Variants in CFAP100 observed in about 807,000 individuals in gnomAD.
CFAP100 encodes the protein cilia and flagella associated protein 100, also known as cilia- and flagella-associated protein 100.
Under a neutral mutation model 81.5 loss-of-function variants are expected in CFAP100, and 70 were observed. The observed-to-expected ratio is 0.86, with a 90% CI of 0.71 to 1.05. The LOEUF (loss-of-function observed/expected upper bound fraction) is 1.05. Among genes scored for constraint, CFAP100 ranks in the 50% least tolerant of loss-of-function variants. The probability of loss-of-function intolerance (pLI) is 0.00; values close to 1 mark genes in which losing one functional copy is unlikely to be tolerated. For synonymous variants in CFAP100, 341 were observed against 314.8 expected (o/e 1.08, Z -0.88); for missense variants, 811 against 776.5 (o/e 1.04, Z -0.53).
At chr3:126,419,852 G>C (rs1235372201) in intron 9 of CFAP100, 34 bp downstream of exon 9, 1 of 1,611,356 alleles carries the variant, frequency 6.2e-7, no homozygotes, top group Non-Finnish European at 8.5e-7. Flanking sequence ...TCCCAGGTGG[G>C]CTCTGCCAGT....
At position 126,419,742 on chromosome 3, in the gene CFAP100, C is replaced by G. The variant is rs147317526; in HGVS notation, c.837C>G (p.His279Gln). The G allele has an allele frequency of 6.2e-7, 1 of 1,614,026 alleles. No individual in the cohort carries two copies. The highest frequency in any genetic ancestry group is 1.3e-5 in the African/African-American group (1 of 75,062). The change falls in exon 9 of 17, where the codon CAC becomes CAG. Residue 279 changes from histidine (H) to glutamine (Q), a missense_variant. His to Gln is a conservative substitution (Grantham distance 24). Coordinates refer to ENST00000352312, the MANE Select transcript of CFAP100 (RefSeq NM_182628.3). ...KEWLEEQEKKHSFLKKAKEVS... is the reference protein window; with the variant it reads ...KEWLEEQEKKQSFLKKAKEVS... ...GGCTTGAAGAACAGGAAAAGAAACA[C>G]TCGTTTCTCAAAAAGGCCAAGGAGG...
chr3:126,400,549 T>G (rs9823401), intron 2 of CFAP100, among the ~76,000 whole-genome samples: 1,655 of 151,930 alleles, frequency 0.011, 23 homozygotes, highest in African/African-American at 0.029. Context: ...GTCAGGAGAT[T>G]GAGACCATCC....
At position 126,434,262 on chromosome 3, in the gene CFAP100, C is replaced by T. The variant is rs754672096; in HGVS notation, c.1509C>T (p.Thr503=). Reference sequence around the variant, plus strand: ...CCCAGCAGGAGGCCAACCTGGGCACCGTGCAGATGCTGACCATCATTGAGC... The same window carrying T: ...CCCAGCAGGAGGCCAACCTGGGCACTGTGCAGATGCTGACCATCATTGAGC... ...TGTQQEANLG[T]VQMLTIIEHQ... Residue 503 remains threonine, a synonymous_variant, in exon 15 of 17, where the codon ACC becomes ACT. Transcript: ENST00000352312. The T allele has an allele frequency of 2.4e-5, 38 of 1,613,892 alleles. No individual in the cohort carries two copies. Among genetic ancestry groups the T allele is most frequent in the South Asian group, 2.1e-4 (19 of 91,080 alleles).
chr3:126,423,248 A>G, intron 11 of CFAP100, 77 bp from the exon 12 acceptor site: 1 of 1,253,830 alleles, frequency 8.0e-7, no homozygotes, highest in African/African-American at 1.5e-5. Flanking sequence ...AACGCCTTCA[A>G]GACCTCTGTG....
chr3:126,420,275 G>C lies in CFAP100; in HGVS notation c.1082+46G>C, dbSNP rs191763154. 159 of 1,605,236 alleles carry C rather than the reference G, an allele frequency of 9.9e-5. No individual in the cohort carries two copies. In the East Asian group the frequency reaches 3.4e-3, roughly 34 times the overall value. On this transcript the variant is annotated intron_variant, in intron 11 of 16. Coordinates refer to ENST00000352312, the MANE Select transcript of CFAP100 (RefSeq NM_182628.3). Reference sequence around the variant, plus strand: ...GGGAGGGGCTGAGGCCTAGCGGCGAGCCCTCCCTTGTGGCACCCATGTGTA... The same window carrying C: ...GGGAGGGGCTGAGGCCTAGCGGCGACCCCTCCCTTGTGGCACCCATGTGTA...
Position 126,420,188 on chromosome 3 carries a change from A to G in CFAP100, c.1041A>G (p.Gln347=), listed in dbSNP as rs2083307062. Reference sequence around the variant, plus strand: ...CGTCTTACCTGAGCAGCCCCCAGCAAGGCAGCCAGCCCAGCGAGTCCAGCG... The same window carrying G: ...CGTCTTACCTGAGCAGCCCCCAGCAGGGCAGCCAGCCCAGCGAGTCCAGCG... The part of the protein sequence containing the change: ...RSPSYLSSPQ[Q]GSQPSESSGG... Residue 347 remains glutamine (Q), a synonymous_variant, in exon 11 of 17, where the codon CAA becomes CAG. Transcript: ENST00000352312. The G allele has an allele frequency of 1.2e-6, 2 of 1,612,698 alleles. No homozygotes were observed. The highest frequency in any genetic ancestry group is 2.2e-5 in the South Asian group (2 of 91,056).
chr3:126,425,792 CAT>C (rs1560078517), intron 13 of CFAP100, among the ~76,000 whole-genome samples: 1 of 152,178 alleles, frequency 6.6e-6, no homozygotes, highest in East Asian at 1.9e-4. Flanking sequence ...GTCATATCCA[CAT>C]GTTAAATAAG....
intron 5 of CFAP100, 58 bp downstream of exon 5, chr3:126,416,566 A>C: frequency 1.2e-4 from 162 of 1,398,948 alleles, no homozygotes; most frequent in Non-Finnish European, 1.5e-4. Context: ...ACCGCAGCTC[A>C]GGGGGCGCGC....
chr3:126,434,482 C>T (rs1251417616), intron 15 of CFAP100, 101 bp downstream of exon 15: 1 of 1,135,238 alleles, frequency 8.8e-7, no homozygotes, highest in Admixed American at 2.3e-5. Flanking sequence ...AGGAGACAGG[C>T]CCCTCCTGCT....
intron 5 of CFAP100, 116 bp downstream of exon 5, chr3:126,416,624 A>C: frequency 1.1e-6 from 1 of 900,540 alleles, no homozygotes; most frequent in East Asian, 2.8e-5. Flanking sequence ...AGTGCTTTTC[A>C]AGTGCTTCGG....
chr3:126,434,982 G>T (rs1327544800), intron 15 of CFAP100, among the ~76,000 whole-genome samples: 1 of 152,090 alleles, frequency 6.6e-6, no homozygotes, highest in Non-Finnish European at 1.5e-5. Context: ...GTAGATGGGG[G>T]TTGTGGCTTC....
intron 4 of CFAP100, among the ~76,000 whole-genome samples, chr3:126,415,670 G>A (rs116432111): frequency 0.034 from 5,212 of 152,258 alleles, 90 homozygotes; most frequent in South Asian, 0.061. Context: ...AGAGACTCCC[G>A]GGGCCGGTGC....
At chr3:126,399,551 T>C (rs1490817522) in intron 2 of CFAP100, among the ~76,000 whole-genome samples, 4 of 152,170 alleles carry the variant, frequency 2.6e-5, no homozygotes, top group African/African-American at 7.2e-5. Context: ...AGCAAAGTTG[T>C]GGGTTACAAG....
chr3:126,402,786 C>T (rs936111043), intron 2 of CFAP100, among the ~76,000 whole-genome samples: 18 of 151,526 alleles, frequency 1.2e-4, no homozygotes, highest in African/African-American at 4.4e-4. Context: ...AATATGCCTG[C>T]CTTCCAGGAG....
At chr3:126,402,221 G>A (rs1262569679) in intron 2 of CFAP100, among the ~76,000 whole-genome samples, 3 of 152,226 alleles carry the variant, frequency 2.0e-5, no homozygotes, top group Admixed American at 2.0e-4. Flanking sequence ...TGAGGGATGG[G>A]ACAAACATGG....
intron 5 of CFAP100, 137 bp downstream of exon 5, chr3:126,416,645 CCTTT>C: frequency 2.7e-6 from 2 of 738,708 alleles, no homozygotes; most frequent in Non-Finnish European, 4.3e-6. Context: ...AAAGGCCTGC[CCTTT>C]CTGTGTTTGG....
chr3:126,421,251 G>A (rs1359041655), intron 11 of CFAP100, among the ~76,000 whole-genome samples: 2 of 152,120 alleles, frequency 1.3e-5, no homozygotes, highest in Admixed American at 6.6e-5. Context: ...TGATCCGCCC[G>A]CCTCAGCCTC....
chr3:126,397,348 C>CT (rs935672423), intron 2 of CFAP100, among the ~76,000 whole-genome samples: 1 of 152,132 alleles, frequency 6.6e-6, no homozygotes, highest in African/African-American at 2.4e-5. Flanking sequence ...CTCTCTCGTT[C>CT]TTTTTTTGCT....
At chr3:126,426,621 G>A (rs368249128) in intron 13 of CFAP100, among the ~76,000 whole-genome samples, 5 of 152,074 alleles carry the variant, frequency 3.3e-5, no homozygotes, top group African/African-American at 2.4e-5. Flanking sequence ...GTGGTGGTGC[G>A]TGCCTGTAAT....
Sources: gnomAD v4.1 joint callset for allele counts (sites outside exome capture counted in the v4.1 genomes callset) on GRCh38, gnomAD v4.1.1 for gene constraint, MANE v1.5 for transcripts, NCBI Gene and HGNC (gene_info 2026-07-23, HGNC 2026-07-21) for gene names.